PLCG2: variants seen among roughly 807,000 people sequenced by gnomAD.
PLCG2 encodes the protein phospholipase C gamma 2.
Under a neutral mutation model 175.6 loss-of-function variants are expected in PLCG2, and 69 were observed. The ratio of observed to expected loss-of-function variants is 0.39; its 90% CI spans 0.32 to 0.48. The LOEUF is 0.48. Ranked by LOEUF, PLCG2 falls within the 20% of genes least tolerant of loss-of-function variation. The pLI is 0.91. For missense variants in PLCG2, 1,798 were observed against 1,650.9 expected (o/e 1.09, Z -1.54); for synonymous variants, 827 against 624.0 (o/e 1.33, Z -4.85).
At chr16:81,753,488 G>C (rs1200104957) in intron 1 of PLCG2, among the ~76,000 whole-genome samples, 1 of 148,896 alleles carries the variant, frequency 6.7e-6, no homozygotes, top group Non-Finnish European at 1.5e-5. Context: ...GTTGTATCTT[G>C]GCTCACTGAT....
At chr16:81,937,933 G>T (rs893867589) in intron 28 of PLCG2, 30 bp downstream of exon 28, 2 of 1,611,238 alleles carry the variant, frequency 1.2e-6, no homozygotes, top group Non-Finnish European at 1.7e-6. Context: ...CCTGCCAGGG[G>T]AGCCAGCCGC....
intron 2 of PLCG2, among the ~76,000 whole-genome samples, chr16:81,797,031 T>C (rs1911501050): frequency 6.6e-6 from 1 of 152,218 alleles, no homozygotes; most frequent in Non-Finnish European, 1.5e-5. Context: ...TTAAGAGGCG[T>C]TGCTTTCTTC....
At chr16:81,757,734 C>T (rs1909958428) in intron 2 of PLCG2, among the ~76,000 whole-genome samples, 1 of 152,176 alleles carries the variant, frequency 6.6e-6, no homozygotes, top group Non-Finnish European at 1.5e-5. Context: ...TCACAGAGCA[C>T]TGACATCATC....
chr16:81,858,351 C>T lies in PLCG2; in HGVS notation c.426C>T (p.Ile142=), dbSNP rs775311990. The T allele has an allele frequency of 3.1e-6, 5 of 1,611,920 alleles. No homozygotes were observed. Among genetic ancestry groups the T allele is most frequent in the South Asian group, 2.2e-5 (2 of 91,008 alleles). Residue 142 remains isoleucine, a synonymous_variant, in exon 4 of 33, where the codon ATC becomes ATT. Coordinates refer to ENST00000564138, the MANE Select transcript of PLCG2 (RefSeq NM_002661.5). ...EAMNASTPTI[I]ESWLRKQIYS... ...TGAATGCGTCCACGCCCACCATTAT[C>T]GAGAGGTAGTTGGCTTTTGCCTGTT...
intron 2 of PLCG2, among the ~76,000 whole-genome samples, chr16:81,809,012 A>G (rs1310494655): frequency 6.6e-6 from 1 of 151,590 alleles, no homozygotes; most frequent in Non-Finnish European, 1.5e-5. Flanking sequence ...AAAATATAAT[A>G]CTCCTATTCT....
At chr16:81,885,623 A>G (rs1035579642) in intron 9 of PLCG2, among the ~76,000 whole-genome samples, 12 of 125,046 alleles carry the variant, frequency 9.6e-5, no homozygotes, top group African/African-American at 3.1e-4. Context: ...CACAGATAGA[A>G]CTTTTTTTTT....
chr16:81,955,186 C>G (rs1911519610), intron 31 of PLCG2, among the ~76,000 whole-genome samples: 2 of 152,178 alleles, frequency 1.3e-5, no homozygotes, highest in Admixed American at 1.3e-4. Context: ...CTTCTGTCCC[C>G]CTTCTCCAAA....
At chr16:81,936,634 A>G (rs1000620648) in intron 27 of PLCG2, among the ~76,000 whole-genome samples, 11 of 152,242 alleles carry the variant, frequency 7.2e-5, no homozygotes, top group African/African-American at 2.7e-4. Context: ...AGTCTGGCTT[A>G]GAAAAAGAAA....
At chr16:81,799,123 C>T (rs1024168673) in intron 2 of PLCG2, 12 of 152,238 alleles carry the variant, frequency 7.9e-5, no homozygotes, top group African/African-American at 2.9e-4. Context: ...CATATTTCTC[C>T]TAATTAAAAC....
At chr16:81,809,289 G>A (rs977731410) in intron 2 of PLCG2, among the ~76,000 whole-genome samples, 1 of 152,120 alleles carries the variant, frequency 6.6e-6, no homozygotes, top group Non-Finnish European at 1.5e-5. Flanking sequence ...TGGGAGTGCT[G>A]GGGTGTTAGT....
At chr16:81,906,288 C>T (rs1369531977) in intron 15 of PLCG2, 2 of 152,162 alleles carry the variant, frequency 1.3e-5, no homozygotes, top group African/African-American at 2.4e-5. Context: ...GGGGGTCGTT[C>T]CACCAGAAAC....
chr16:81,851,888 G>C (rs1213294197), intron 2 of PLCG2, among the ~76,000 whole-genome samples: 3 of 152,200 alleles, frequency 2.0e-5, no homozygotes, highest in Non-Finnish European at 4.4e-5. Context: ...AGAAAGCTTT[G>C]AGTGCATCCC....
intron 26 of PLCG2, 148 bp downstream of exon 26, chr16:81,934,679 G>A: frequency 1.6e-6 from 1 of 639,582 alleles, no homozygotes; most frequent in Non-Finnish European, 2.8e-6. Flanking sequence ...TGTCCTCCGA[G>A]TGAGGGAGCT....
rs1908039149 is a variant in PLCG2 at position 81,880,778 on chromosome 16, A to C, written c.649-132A>C. ...TATTTGAATATTTACAACTAACATCAACTAAAATGATATTTTTAATGATCT... is the reference window on the plus strand; with the variant it reads ...TATTTGAATATTTACAACTAACATCCACTAAAATGATATTTTTAATGATCT... On this transcript the variant is annotated intron_variant, in intron 7 of 32. Transcript: ENST00000564138. 1.0e-5 allele frequency: 8 copies of C among 775,942 alleles called. No homozygotes were observed. The East Asian group carries it at 2.1e-4, about 20-fold the overall frequency. The allele number at this position is 775,942 out of a possible 1,614,324, so 48.1% of individuals were successfully genotyped here.
intron 11 of PLCG2, 80 bp downstream of exon 11, chr16:81,891,670 C>T (rs1277054382): frequency 2.2e-5 from 18 of 801,528 alleles, no homozygotes; most frequent in East Asian, 7.4e-5. Context: ...TACGCCGCTC[C>T]GGTGAGCCCT....
At chr16:81,815,825 C>A (rs1317272573) in intron 2 of PLCG2, among the ~76,000 whole-genome samples, 1 of 152,142 alleles carries the variant, frequency 6.6e-6, no homozygotes, top group African/African-American at 2.4e-5. Context: ...CTTTGGGAGG[C>A]CAAGGTGGGC....
intron 1 of PLCG2, among the ~76,000 whole-genome samples, chr16:81,785,455 A>C (rs6564920): frequency 0.45 from 68,426 of 151,526 alleles, 15,767 homozygotes; most frequent in South Asian, 0.64. Context: ...CAAAGTCTCC[A>C]TGGATGATTC....
At chr16:81,915,211 A>G (rs941736714) in intron 19 of PLCG2, among the ~76,000 whole-genome samples, 1 of 152,116 alleles carries the variant, frequency 6.6e-6, no homozygotes, top group African/African-American at 2.4e-5. Flanking sequence ...GGGAATTTGG[A>G]CCAGGCAGTA....
At chr16:81,955,626 C>A (rs774728327) in intron 31 of PLCG2, among the ~76,000 whole-genome samples, 2 of 152,192 alleles carry the variant, frequency 1.3e-5, no homozygotes, top group Non-Finnish European at 2.9e-5. Context: ...GGCTGTTTTC[C>A]TCTTTTTCTG....
Sources: gnomAD v4.1 joint callset for allele counts (sites outside exome capture counted in the v4.1 genomes callset) on GRCh38, gnomAD v4.1.1 for gene constraint, MANE v1.5 for transcripts, NCBI Gene and HGNC (gene_info 2026-07-23, HGNC 2026-07-21) for gene names.